Variants in TRAPPC10 observed in about 807,000 individuals in gnomAD.
TRAPPC10 encodes the protein trafficking protein particle complex subunit 10.
A neutral mutation model predicts 125.5 loss-of-function variants in TRAPPC10; 23 were observed. The observed-to-expected ratio is 0.18, with a 90% confidence interval of 0.13 to 0.26. The LOEUF (loss-of-function observed/expected upper bound fraction) is 0.26. Among genes scored for constraint, TRAPPC10 ranks in the 10% least tolerant of loss-of-function variants. The probability of loss-of-function intolerance (pLI) is 1.00; values close to 1 mark genes in which losing one functional copy is unlikely to be tolerated. For synonymous variants in TRAPPC10, 509 were observed against 518.0 expected (o/e 0.98, Z 0.24); for missense variants, 1,123 against 1,308.4 (o/e 0.86, Z 2.19).
intron 1 of TRAPPC10, among the ~76,000 whole-genome samples, chr21:44,030,236 AGAGC>A (rs2033451938): frequency 6.8e-6 from 1 of 147,728 alleles, no homozygotes; most frequent in Admixed American, 6.7e-5. Flanking sequence ...TGTGAGAGAG[AGAGC>A]GAGAGAGTGT....
rs1312654068 is a variant in TRAPPC10 at position 44,083,165 on chromosome 21, A to G, written c.2101A>G (p.Met701Val). ...TGGGATTATCTGCAGAAACGTCCAC[A>G]TGCTCCTGAGAAGGCAGGAGAGCAG... ...TTGIICRNVHMLLRRQESSSS... is the reference protein window; with the variant it reads ...TTGIICRNVHVLLRRQESSSS... The change falls in exon 14 of 23, where the codon ATG (methionine) becomes GTG (valine). Residue 701 changes from methionine to valine, a missense_variant. Physicochemically the swap from Met to Val is conservative, Grantham distance 21. This residue lies in a region of TRAPPC10 where 840 missense variants were observed against 902.0 expected (regional missense o/e 0.93). Transcript: ENST00000291574. 1.9e-6 allele frequency: 3 copies of G among 1,614,208 alleles called. No homozygotes were observed. The highest frequency in any genetic ancestry group is 2.5e-6 in the Non-Finnish European group (3 of 1,180,044).
chr21:44,038,860 C>T (rs2034190648), intron 3 of TRAPPC10, among the ~76,000 whole-genome samples: 1 of 152,192 alleles, frequency 6.6e-6, no homozygotes, highest in Admixed American at 6.5e-5. Context: ...GCTCCGCCTC[C>T]TTTCCCACGG....
At chr21:44,038,886 T>C (rs1365234852) in intron 3 of TRAPPC10, among the ~76,000 whole-genome samples, 2 of 152,140 alleles carry the variant, frequency 1.3e-5, no homozygotes, top group Non-Finnish European at 2.9e-5. Flanking sequence ...ACACAGCCAG[T>C]GAGGACACAC....
chr21:44,052,564 C>T, intron 4 of TRAPPC10, 88 bp downstream of exon 4: 1 of 1,287,142 alleles, frequency 7.8e-7, no homozygotes, highest in Non-Finnish European at 1.1e-6. Context: ...AATATTTACT[C>T]AGCAATCTCG....
chr21:44,047,292 T>G (rs2034901244), intron 3 of TRAPPC10, among the ~76,000 whole-genome samples: 1 of 152,162 alleles, frequency 6.6e-6, no homozygotes. Flanking sequence ...AAGCGATTCT[T>G]GTGCCTCATC....
rs1601519772 is a variant in TRAPPC10 at position 44,012,378 on chromosome 21, C to T, written c.-116C>T. The T allele has an allele frequency of 4.1e-6, 2 of 490,426 alleles. No homozygotes were observed. The highest frequency in any genetic ancestry group is 5.3e-6 in the Non-Finnish European group (2 of 377,374). The allele number at this position is 490,426 out of a possible 1,614,324, so 30.4% of individuals were successfully genotyped here. ...AGCTGCGGCGCAACCGGCTCCGGAG[C>T]TGCCTGGCGCGGCCGGGCGGGCGGC... On this transcript the variant is annotated 5_prime_UTR_variant, in exon 1 of 23. Coordinates refer to ENST00000291574, the MANE Select transcript of TRAPPC10 (RefSeq NM_003274.5).
intron 19 of TRAPPC10, among the ~76,000 whole-genome samples, chr21:44,092,617 C>T (rs1056996206): frequency 6.9e-6 from 1 of 144,288 alleles, no homozygotes; most frequent in African/African-American, 2.6e-5. Flanking sequence ...GATTTGCCCC[C>T]ACTAATCCTT....
At position 44,036,529 on chromosome 21, in the gene TRAPPC10, T is replaced by C. The variant is rs544968552; in HGVS notation, c.150-1263T>C. Reference sequence around the variant, plus strand: ...ACTTCTGTGTACAGAAAGCCATTCCTGTCTACCCCAGAGTCCCATTCACAT... The same window carrying C: ...ACTTCTGTGTACAGAAAGCCATTCCCGTCTACCCCAGAGTCCCATTCACAT... On this transcript the variant is annotated intron_variant, in intron 2 of 22. Coordinates refer to ENST00000291574, the MANE Select transcript of TRAPPC10 (RefSeq NM_003274.5). Among the ~76,000 whole-genome samples the C allele has an allele frequency of 4.6e-5, 7 of 152,344 alleles. No individual in the cohort carries two copies. The South Asian group carries it at 1.4e-3, about 32-fold the overall frequency.
Position 44,079,834 on chromosome 21 carries a change from A to G in TRAPPC10, c.1610+130A>G, listed in dbSNP as rs190605549. ...GTCCTAACTTATACATATGTATTGT[A>G]TAGAAAATGAATGAAATGTCTAGTC... is the stretch of plus-strand genomic sequence containing the variant. On this transcript the variant is annotated intron_variant, in intron 12 of 22. Transcript: ENST00000291574. 1.0e-4 allele frequency: 116 copies of G among 1,121,100 alleles called. No individual in the cohort carries two copies. In the East Asian group the frequency reaches 2.9e-3, roughly 28 times the overall value. 69.4% of individuals were successfully genotyped at this position (1,121,100 alleles called of 1,614,324 possible).
intron 7 of TRAPPC10, among the ~76,000 whole-genome samples, chr21:44,072,052 C>G (rs77512084): frequency 6.6e-6 from 1 of 152,182 alleles, no homozygotes; most frequent in Admixed American, 6.5e-5. Flanking sequence ...GAAAAGCTGC[C>G]GCTACCTGAT....
chr21:44,081,017 C>CTTTTTTTTTTTTTTTTT (rs67865929), intron 13 of TRAPPC10, among the ~76,000 whole-genome samples: 9 of 97,224 alleles, frequency 9.3e-5, no homozygotes, highest in East Asian at 3.0e-4. Flanking sequence ...TTTTTTTTTT[C>CTTTTTTTTTTTTTTTTT]TTTTTTTTTT....
chr21:44,014,593 GTT>G (rs374497169), intron 1 of TRAPPC10, among the ~76,000 whole-genome samples: 3 of 136,744 alleles, frequency 2.2e-5, no homozygotes, highest in Non-Finnish European at 4.8e-5. Context: ...GTTTGTTTTT[GTT>G]TTTTTTTTTT....
intron 2 of TRAPPC10, among the ~76,000 whole-genome samples, chr21:44,036,099 G>A (rs2033961142): frequency 6.6e-6 from 1 of 152,160 alleles, no homozygotes; most frequent in Non-Finnish European, 1.5e-5. Flanking sequence ...TTGAAGAATG[G>A]CTGTCAAGCT....
chr21:44,077,457 C>T (rs565713765), intron 10 of TRAPPC10, among the ~76,000 whole-genome samples: 63 of 152,186 alleles, frequency 4.1e-4, no homozygotes, highest in Non-Finnish European at 7.6e-4. Flanking sequence ...GGCCTGGTGG[C>T]GCCTGTAGTC....
intron 1 of TRAPPC10, among the ~76,000 whole-genome samples, chr21:44,016,872 A>C (rs1011915888): frequency 2.6e-5 from 4 of 152,068 alleles, no homozygotes; most frequent in Admixed American, 1.3e-4. Context: ...GTCAGCCAGG[A>C]TGGTCTTGAT....
intron 7 of TRAPPC10, among the ~76,000 whole-genome samples, chr21:44,069,088 T>C (rs1479061070): frequency 2.6e-5 from 4 of 152,210 alleles, no homozygotes; most frequent in African/African-American, 9.7e-5. Context: ...GGAAAATGTC[T>C]TTGGGACCTT....
At chr21:44,032,379 C>CTTTTT (rs1200011844) in intron 2 of TRAPPC10, among the ~76,000 whole-genome samples, 14 of 108,456 alleles carry the variant, frequency 1.3e-4, no homozygotes, top group East Asian at 2.6e-4. Context: ...CCATGGTTTT[C>CTTTTT]TTTTTTTTTT....
chr21:44,019,258 C>G (rs1299112316), intron 1 of TRAPPC10, among the ~76,000 whole-genome samples: 2 of 152,178 alleles, frequency 1.3e-5, no homozygotes, highest in Non-Finnish European at 2.9e-5. Flanking sequence ...CCATGTTGCC[C>G]AGGCACGTTT....
At chr21:44,086,719 G>C in intron 15 of TRAPPC10, 83 bp from the exon 16 acceptor site, 1 of 1,420,718 alleles carries the variant, frequency 7.0e-7, no homozygotes, top group African/African-American at 1.4e-5. Flanking sequence ...AAAAGAAATA[G>C]AGCCCCTTTC....
Sources: allele counts gnomAD v4.1 joint callset (sites outside exome capture counted in the v4.1 genomes callset), GRCh38; gene constraint gnomAD v4.1.1; regional missense constraint gnomAD v4.1.1; transcripts MANE v1.5; gene names NCBI Gene and HGNC (gene_info 2026-07-23, HGNC 2026-07-21).